LINGO2: variants seen among roughly 807,000 people sequenced by gnomAD.
LINGO2 encodes the protein leucine rich repeat and Ig domain containing 2.
A neutral mutation model predicts 30.6 loss-of-function variants in LINGO2; 14 were observed. The observed-to-expected ratio is 0.46, with a 90% CI of 0.30 to 0.72. The LOEUF is 0.72. LINGO2 is among the 30% of genes least tolerant of loss of function. The pLI is 0.07. For missense variants in LINGO2, 729 were observed against 751.7 expected, an observed-to-expected ratio of 0.97 and a Z score of 0.35; for synonymous variants, 317 against 288.5, an observed-to-expected ratio of 1.10 and a Z score of -1.00.
At chr9:29,212,081 G>A in the LINGO2 span, among the ~76,000 whole-genome samples, 1 of 152,300 alleles carries the variant, frequency 6.6e-6, no homozygotes, top group African/African-American at 2.4e-5. Context: ...AGGAGAAAGA[G>A]GGCATTACCT....
intron 2 of LINGO2, among the ~76,000 whole-genome samples, chr9:28,428,592 A>G (rs183039359): frequency 6.9e-4 from 104 of 151,516 alleles, no homozygotes; most frequent in African/African-American, 2.4e-3. Context: ...ATTGACCTCA[A>G]TTGACTCAAA....
intron 1 of LINGO2, among the ~76,000 whole-genome samples, chr9:28,602,775 A>C (rs1825543063): frequency 1.3e-5 from 2 of 152,080 alleles, no homozygotes; most frequent in Non-Finnish European, 2.9e-5. Context: ...TCCATACAGA[A>C]GGCTGAATGA....
chr9:29,053,108 G>T, the LINGO2 span, among the ~76,000 whole-genome samples: 1 of 151,816 alleles, frequency 6.6e-6, no homozygotes, highest in Admixed American at 6.6e-5. Flanking sequence ...GATGTTGCAA[G>T]CAATTCAATT....
At chr9:28,938,296 T>C in the LINGO2 span, among the ~76,000 whole-genome samples, 29 of 152,308 alleles carry the variant, frequency 1.9e-4, no homozygotes, top group East Asian at 5.6e-3. Context: ...ATTCTTGGTG[T>C]TCTCTATAGA....
chr9:28,355,139 A>T (rs898151865), intron 3 of LINGO2, among the ~76,000 whole-genome samples: 1 of 152,142 alleles, frequency 6.6e-6, no homozygotes, highest in Non-Finnish European at 1.5e-5. Context: ...AGTCTAATAG[A>T]CATCTATAAT....
At chr9:28,862,849 A>G in the LINGO2 span, among the ~76,000 whole-genome samples, 2 of 152,162 alleles carry the variant, frequency 1.3e-5, no homozygotes, top group African/African-American at 4.8e-5. Context: ...AAAATAGTTA[A>G]TCATCAATTG....
chr9:28,257,224 A>G (rs1235624028), intron 4 of LINGO2, among the ~76,000 whole-genome samples: 1 of 151,942 alleles, frequency 6.6e-6, no homozygotes, highest in African/African-American at 2.4e-5. Context: ...TCCAAATAGC[A>G]TAAAGCGTCT....
intron 4 of LINGO2, among the ~76,000 whole-genome samples, chr9:28,244,039 C>T (rs1306717192): frequency 6.6e-6 from 1 of 152,120 alleles, no homozygotes; most frequent in African/African-American, 2.4e-5. Context: ...CTCAGAGCCA[C>T]ATGGGACTTA....
chr9:29,201,173 C>T, the LINGO2 span, among the ~76,000 whole-genome samples: 1 of 152,072 alleles, frequency 6.6e-6, no homozygotes, highest in African/African-American at 2.4e-5. Flanking sequence ...TTATACTCCA[C>T]TTCCTTCAGG....
At chr9:29,091,400 C>CA in the LINGO2 span, among the ~76,000 whole-genome samples, 36 of 126,624 alleles carry the variant, frequency 2.8e-4, no homozygotes, top group Non-Finnish European at 2.9e-4. Flanking sequence ...AGTAATATTT[C>CA]AAAAAAAATT....
At chr9:28,112,017 T>C (rs1045546038) in intron 4 of LINGO2, among the ~76,000 whole-genome samples, 3 of 131,370 alleles carry the variant, frequency 2.3e-5, no homozygotes, top group Admixed American at 1.6e-4. Flanking sequence ...CACTAATGTG[T>C]CATCTAGCAT....
At chr9:28,869,218 T>A in the LINGO2 span, among the ~76,000 whole-genome samples, 1 of 152,220 alleles carries the variant, frequency 6.6e-6, no homozygotes, top group East Asian at 1.9e-4. Flanking sequence ...GAATACTTAA[T>A]GTTCCATCCT....
intron 1 of LINGO2, among the ~76,000 whole-genome samples, chr9:28,515,364 G>A (rs1587790549): frequency 6.6e-6 from 1 of 152,072 alleles, no homozygotes; most frequent in African/African-American, 2.4e-5. Context: ...CCACCACCAC[G>A]CCTGGCTAAT....
intron 1 of LINGO2, among the ~76,000 whole-genome samples, chr9:28,491,406 T>C (rs948898739): frequency 1.4e-4 from 22 of 152,262 alleles, no homozygotes; most frequent in African/African-American, 5.1e-4. Flanking sequence ...TACAGGATAA[T>C]CTCTGCATCA....
intron 2 of LINGO2, among the ~76,000 whole-genome samples, chr9:28,416,121 A>G (rs777351733): frequency 2.6e-5 from 4 of 152,172 alleles, no homozygotes; most frequent in Non-Finnish European, 5.9e-5. Flanking sequence ...ATTGCTCATT[A>G]TACCACTATC....
At chr9:28,823,297 TAAATGGACATCTAGGCAG>T in the LINGO2 span, among the ~76,000 whole-genome samples, 6 of 152,164 alleles carry the variant, frequency 3.9e-5, no homozygotes, top group East Asian at 9.6e-4. Context: ...AGTGGGCCAC[TAAATGGACATCTAGGCAG>T]ATGGTTCCTA....
chr9:28,447,708 A>G (rs1044729233), intron 2 of LINGO2, among the ~76,000 whole-genome samples: 3 of 152,208 alleles, frequency 2.0e-5, no homozygotes, highest in South Asian at 2.1e-4. Flanking sequence ...AGTATTCATT[A>G]AAGTCTAAAT....
chr9:28,942,106 C>T, the LINGO2 span, among the ~76,000 whole-genome samples: 1 of 151,930 alleles, frequency 6.6e-6, no homozygotes, highest in Non-Finnish European at 1.5e-5. Flanking sequence ...AGAATGAGAA[C>T]CATGTCTTTG....
chr9:28,946,712 G>A, the LINGO2 span, among the ~76,000 whole-genome samples: 1 of 152,036 alleles, frequency 6.6e-6, no homozygotes, highest in Non-Finnish European at 1.5e-5. Flanking sequence ...ACATAACACA[G>A]AAAGTAAAAA....
Sources: allele counts gnomAD v4.1 joint callset (sites outside exome capture counted in the v4.1 genomes callset), GRCh38; gene constraint gnomAD v4.1.1; transcripts MANE v1.5; gene names NCBI Gene and HGNC (gene_info 2026-07-23, HGNC 2026-07-21).